The following CAPN1 variants were observed in gnomAD, a reference collection of about 807,000 sequenced individuals.
CAPN1 encodes the protein calpain-1 catalytic subunit.
A neutral mutation model predicts 105.2 loss-of-function variants in CAPN1; 77 were observed. That is an observed-to-expected ratio of 0.73 (90% CI 0.61 to 0.88). CAPN1 has a LOEUF of 0.88. Ranked by LOEUF, CAPN1 falls within the 40% of genes least tolerant of loss-of-function variation. The pLI, the probability that CAPN1 is intolerant of heterozygous loss-of-function variation, is 0.00. For synonymous variants in CAPN1, 355 were observed against 388.8 expected (o/e 0.91, Z 1.02); for missense variants, 833 against 976.6 (o/e 0.85, Z 1.96).
chr11:65,183,634 G>GTCATCCTTCCGCATCTCCCCC, intron 4 of CAPN1, 42 bp downstream of exon 4: 1 of 1,382,896 alleles, frequency 7.2e-7, no homozygotes, highest in Non-Finnish European at 1.0e-6. Flanking sequence ...GGCACTGGGG[G>GTCATCCTTCCGCATCTCCCCC]AGATGCGGAA....
chr11:65,196,624 G>T (rs146360832), intron 10 of CAPN1, among the ~76,000 whole-genome samples: 9 of 151,990 alleles, frequency 5.9e-5, no homozygotes, highest in Non-Finnish European at 7.4e-5. Flanking sequence ...AAGGTGGAAG[G>T]TTAGGTTATT....
At chr11:65,205,804 G>C in intron 12 of CAPN1, 83 bp downstream of exon 12, 1 of 1,291,036 alleles carries the variant, frequency 7.7e-7, no homozygotes, top group Non-Finnish European at 1.1e-6. Flanking sequence ...AACCCACCCT[G>C]GCCTGGAGAG....
Position 65,206,610 on chromosome 11 carries a change from T to G in CAPN1, c.1501T>G (p.Phe501Val). 1 of 1,613,446 alleles carries G rather than the reference T, an allele frequency of 6.2e-7. No individual in the cohort carries two copies. The highest frequency in any genetic ancestry group is 8.5e-7 in the Non-Finnish European group (1 of 1,179,876). Reference sequence around the variant, plus strand: ...GGAGTATGTGGTGGTGCCCTCCACCTTCGAGCCCAACAAGGAGGGCGACTT... The same window carrying G: ...GGAGTATGTGGTGGTGCCCTCCACCGTCGAGCCCAACAAGGAGGGCGACTT... ...PGEYVVVPST[F>V]EPNKEGDFVL... The change falls in exon 13 of 22, where the codon TTC (phenylalanine) becomes GTC (valine). Residue 501 changes from phenylalanine (F) to valine (V), a missense_variant. Transcript: ENST00000279247.
Position 65,183,543 on chromosome 11 carries a change from C to A in CAPN1, c.407C>A (p.Pro136Gln). The change falls in exon 4 of 22, where the codon CCG becomes CAG. Residue 136 changes from proline to glutamine, a missense_variant. Coordinates refer to ENST00000279247, the MANE Select transcript of CAPN1 (RefSeq NM_005186.4). ...LNDTLLHRVVPHGQSFQNGYA... is the reference protein window; with the variant it reads ...LNDTLLHRVVQHGQSFQNGYA... Reference sequence around the variant, plus strand: ...GACACCCTCCTGCACCGAGTGGTTCCGCACGGCCAGAGCTTCCAGAATGGC... The same window carrying A: ...GACACCCTCCTGCACCGAGTGGTTCAGCACGGCCAGAGCTTCCAGAATGGC... The A allele has an allele frequency of 6.2e-7, 1 of 1,613,964 alleles. No individual in the cohort carries two copies. The highest frequency in any genetic ancestry group is 1.1e-5 in the South Asian group (1 of 91,088).
intron 11 of CAPN1, 93 bp downstream of exon 11, chr11:65,204,951 GC>G: frequency 9.5e-7 from 1 of 1,055,064 alleles, no homozygotes; most frequent in South Asian, 1.5e-5. Context: ...ACCAGGGGGC[GC>G]CAGGGACCAT....
chr11:65,189,330 C>G (rs1352480971), intron 10 of CAPN1, among the ~76,000 whole-genome samples: 3 of 152,186 alleles, frequency 2.0e-5, no homozygotes, highest in Non-Finnish European at 4.4e-5. Flanking sequence ...CCCTTCTTGC[C>G]TTCTCTTGCC....
chr11:65,210,491 C>G lies in CAPN1; in HGVS notation c.2059+39C>G. 1 of 1,224,612 alleles carries G rather than the reference C, an allele frequency of 8.2e-7. No individual in the cohort carries two copies. Among genetic ancestry groups the G allele is most frequent in the Non-Finnish European group, 1.2e-6 (1 of 835,974 alleles). The allele number at this position is 1,224,612 out of a possible 1,614,324, so 75.9% of individuals were successfully genotyped here. ...ACTGCCTCCCACCCTCCAGCTCCGT[C>G]CCAAACGCGTCCCCCAGGAGCTGGG... On this transcript the variant is annotated intron_variant, in intron 20 of 21. Coordinates refer to ENST00000279247, the MANE Select transcript of CAPN1 (RefSeq NM_005186.4). This position sits in a 1 kb window ranked among gnomAD's most constrained non-coding sequence, Gnocchi z 4.3.
chr11:65,186,756 C>T (rs1308986327), intron 6 of CAPN1, among the ~76,000 whole-genome samples: 1 of 152,164 alleles, frequency 6.6e-6, no homozygotes, highest in Non-Finnish European at 1.5e-5. Context: ...CTCAACTCCG[C>T]TCCCCAGTCC....
chr11:65,205,816 TAAG>T, intron 12 of CAPN1, 95 bp downstream of exon 12: 1 of 1,151,314 alleles, frequency 8.7e-7, no homozygotes, highest in Non-Finnish European at 1.3e-6. Flanking sequence ...CCTGGAGAGC[TAAG>T]AAGTCACCTT....
chr11:65,183,773 C>T (rs1565388392), intron 4 of CAPN1, 181 bp downstream of exon 4: 1 of 574,018 alleles, frequency 1.7e-6, no homozygotes, highest in Non-Finnish European at 3.1e-6. Flanking sequence ...GCAGGTATTT[C>T]GGCTGGCAGT....
chr11:65,209,356 A>C lies in CAPN1; in HGVS notation c.1763A>C (p.Glu588Ala), dbSNP rs369442678. ...CTGCGGACCAAGGGCTTCAGCCTAG[A>C]GTCGTGCCGCAGCATGGTGAACCTC... The part of the protein sequence containing the change: ...KDLRTKGFSL[E>A]SCRSMVNLMD... Residue 588 changes from glutamate (E) to alanine (A), a missense_variant, in exon 17 of 22, where the codon GAG (glutamate) becomes GCG (alanine). Glu to Ala is a moderately radical substitution (Grantham distance 107). Coordinates refer to ENST00000279247, the MANE Select transcript of CAPN1 (RefSeq NM_005186.4). This position sits in a 1 kb window ranked among gnomAD's most constrained non-coding sequence, Gnocchi z 4.1. The C allele has an allele frequency of 6.8e-6, 11 of 1,613,714 alleles. No individual in the cohort carries two copies. Among genetic ancestry groups the C allele is most frequent in the African/African-American group, 6.7e-5 (5 of 74,922 alleles).
intron 1 of CAPN1, chr11:65,182,452 C>T (rs898901323): frequency 2.0e-6 from 1 of 508,044 alleles, no homozygotes; most frequent in African/African-American, 1.9e-5. Flanking sequence ...AGCTGCAAGC[C>T]CCTGACAATG....
chr11:65,185,890 G>A (rs770437917), intron 4 of CAPN1, 27 bp from the exon 5 acceptor site: 3 of 1,565,102 alleles, frequency 1.9e-6, no homozygotes, highest in Non-Finnish European at 2.6e-6. Flanking sequence ...TTCCAAAGCA[G>A]GTACTCACCG....
chr11:65,186,253 AC>A lies in CAPN1; in HGVS notation c.675del (p.Tyr225Ter). ...EDFTGGVTEW[Y>X]ELRKAPSDLY... ...TTCACAGGCGGGGTTACCGAGTGGT[AC>A]GAGTTGCGCAAGGCTCCCAGTGACC... On this transcript the variant is annotated frameshift_variant, in exon 6 of 22. Transcript: ENST00000279247. LOFTEE classifies it high-confidence loss of function. 1 of 1,613,572 alleles carries A rather than the reference AC, an allele frequency of 6.2e-7. No individual in the cohort carries two copies. Among genetic ancestry groups the A allele is most frequent in the East Asian group, 2.2e-5 (1 of 44,866 alleles).
intron 10 of CAPN1, among the ~76,000 whole-genome samples, chr11:65,192,066 T>C (rs565039228): frequency 7.9e-5 from 12 of 152,292 alleles, no homozygotes; most frequent in Non-Finnish European, 1.6e-4. Context: ...AGACCTCATC[T>C]CTACAAAAAA....
At chr11:65,185,253 C>T (rs549122750) in intron 4 of CAPN1, among the ~76,000 whole-genome samples, 3 of 151,666 alleles carry the variant, frequency 2.0e-5, no homozygotes, top group Admixed American at 6.6e-5. Context: ...AATGGGGGCT[C>T]GAACATGGCC....
Position 65,209,846 on chromosome 11 carries a change from C to G in CAPN1, c.1795-3C>G, listed in dbSNP as rs767188165. ...TGGAATTTCCTTCTTAACGGCCACCCAGCGTGATGGCAATGGGAAGCTGGG... is the reference window on the plus strand; with the variant it reads ...TGGAATTTCCTTCTTAACGGCCACCGAGCGTGATGGCAATGGGAAGCTGGG... On this transcript the variant is annotated splice_region_variant and splice_polypyrimidine_tract_variant and intron_variant, in intron 17 of 21. Coordinates refer to ENST00000279247, the MANE Select transcript of CAPN1 (RefSeq NM_005186.4). This position sits in a 1 kb window ranked among gnomAD's most constrained non-coding sequence, Gnocchi z 4.1. 1 of 1,613,546 alleles carries G rather than the reference C, an allele frequency of 6.2e-7. No homozygotes were observed. Among genetic ancestry groups the G allele is most frequent in the Non-Finnish European group, 8.5e-7 (1 of 1,179,716 alleles).
rs2137305913 is a variant in CAPN1 at position 65,182,853 on chromosome 11, A to G, written c.152A>G (p.Gln51Arg). The G allele has an allele frequency of 6.2e-7, 1 of 1,601,140 alleles. No homozygotes were observed. Among genetic ancestry groups the G allele is most frequent in the Non-Finnish European group, 8.5e-7 (1 of 1,174,266 alleles). ...DYEQLRVRCL[Q>R]SGTLFRDEAF... ...GAGCAGCTGCGGGTGCGATGCCTGC[A>G]GAGTGGGACCCTCTTCCGTGATGAG... The change falls in exon 2 of 22, where the codon CAG becomes CGG. Residue 51 changes from glutamine to arginine, a missense_variant. Gln to Arg is a conservative substitution (Grantham distance 43). Coordinates refer to ENST00000279247, the MANE Select transcript of CAPN1 (RefSeq NM_005186.4).
intron 10 of CAPN1, among the ~76,000 whole-genome samples, chr11:65,189,643 T>G (rs927597013): frequency 6.6e-6 from 1 of 152,216 alleles, no homozygotes; most frequent in African/African-American, 2.4e-5. Context: ...ATTTTAATCT[T>G]GTTCCTACAA....
Sources: gnomAD v4.1 joint callset for allele counts (sites outside exome capture counted in the v4.1 genomes callset) on GRCh38, gnomAD v4.1.1 for gene constraint, Gnocchi (gnomAD v3.1) non-coding constraint, MANE v1.5 for transcripts, NCBI Gene and HGNC (gene_info 2026-07-23, HGNC 2026-07-21) for gene names.